Variants in SNRPC observed in about 807,000 individuals in gnomAD.
The protein encoded by SNRPC is small nuclear ribonucleoprotein polypeptide C, also known as U1 small nuclear ribonucleoprotein C.
SNRPC carries 5 observed loss-of-function variants against 20.0 expected under a neutral mutation model. The ratio of observed to expected loss-of-function variants is 0.25; its 90% CI spans 0.13 to 0.53. The LOEUF (loss-of-function observed/expected upper bound fraction) is 0.53. Ranked by LOEUF, SNRPC falls within the 20% of genes least tolerant of loss-of-function variation. SNRPC has a pLI of 0.96. For synonymous variants in SNRPC, 61 were observed against 58.7 expected (o/e 1.04, Z -0.18); for missense variants, 112 against 224.1 (o/e 0.50, Z 3.19).
intron 3 of SNRPC, among the ~76,000 whole-genome samples, chr6:34,764,670 T>A (rs938370292): frequency 2.7e-5 from 4 of 150,482 alleles, no homozygotes; most frequent in Admixed American, 6.6e-5. Context: ...CTCAAAAAAA[T>A]AATAATAATT....
At chr6:34,758,474 C>T (rs1581588009) in intron 2 of SNRPC, among the ~76,000 whole-genome samples, 1 of 152,074 alleles carries the variant, frequency 6.6e-6, no homozygotes, top group Non-Finnish European at 1.5e-5. Flanking sequence ...GGCCACCACG[C>T]CCGGCTAATT....
At chr6:34,757,782 T>G in intron 1 of SNRPC, 130 bp from the exon 2 acceptor site, 1 of 1,591,792 alleles carries the variant, frequency 6.3e-7, no homozygotes, top group Non-Finnish European at 8.5e-7. Flanking sequence ...CTTTGATGCT[T>G]TTGAGTCGTG....
rs544640771 is a variant in SNRPC, at chr6:34,769,991, C to T, written c.251-300C>T. Among the ~76,000 whole-genome samples the T allele has an allele frequency of 6.6e-5, 10 of 152,198 alleles. 1 individual carries two copies. The highest frequency in any genetic ancestry group is 3.9e-4 in the East Asian group (2 of 5,176). On this transcript the variant is annotated intron_variant, in intron 4 of 5. Coordinates refer to ENST00000244520, the MANE Select transcript of SNRPC (RefSeq NM_003093.3). Reference sequence around the variant, plus strand: ...TAATCCTAGCACTTTGGGAGGTCGACGTGGGCAGATCACCTGAGGTTGGGA... The same window carrying T: ...TAATCCTAGCACTTTGGGAGGTCGATGTGGGCAGATCACCTGAGGTTGGGA...
chr6:34,757,537 G>A lies in SNRPC; in HGVS notation c.-7G>A, dbSNP rs2127405004. The A allele has an allele frequency of 1.2e-6, 2 of 1,613,768 alleles. No homozygotes were observed. Among genetic ancestry groups the A allele is most frequent in the South Asian group, 1.1e-5 (1 of 91,062 alleles). On this transcript the variant is annotated 5_prime_UTR_variant, in exon 1 of 6. Transcript: ENST00000244520. ...GTAACGGAGTGGCCAACGGCCTGCA[G>A]AGCAACATGCCCAAGTGAGTGGGGC...
intron 4 of SNRPC, among the ~76,000 whole-genome samples, chr6:34,768,765 AAAAAAG>A (rs1428030811): frequency 2.6e-4 from 39 of 151,968 alleles, no homozygotes; most frequent in Non-Finnish European, 4.7e-4. Flanking sequence ...AAAAAAAAAA[AAAAAAG>A]AAAAGAAAAG....
At chr6:34,766,197 T>A (rs1460296881) in intron 3 of SNRPC, among the ~76,000 whole-genome samples, 1 of 152,178 alleles carries the variant, frequency 6.6e-6, no homozygotes, top group African/African-American at 2.4e-5. Flanking sequence ...AAACTTTTTT[T>A]ATTTAAATTT....
intron 5 of SNRPC, among the ~76,000 whole-genome samples, chr6:34,771,202 G>C (rs867849522): frequency 6.6e-6 from 1 of 151,916 alleles, no homozygotes; most frequent in Non-Finnish European, 1.5e-5. Flanking sequence ...GGTGGCACGC[G>C]CCTGTTGTCT....
At chr6:34,768,086 C>A in intron 4 of SNRPC, 89 bp downstream of exon 4, 1 of 1,117,484 alleles carries the variant, frequency 8.9e-7, no homozygotes, top group Non-Finnish European at 1.3e-6. Context: ...CTTTCAAATG[C>A]TGTTGCATTT....
At chr6:34,763,583 A>G (rs1387802478) in intron 3 of SNRPC, among the ~76,000 whole-genome samples, 2 of 151,406 alleles carry the variant, frequency 1.3e-5, no homozygotes, top group African/African-American at 4.9e-5. Flanking sequence ...CAGGAGGCTA[A>G]GGCAGGAGAA....
At chr6:34,770,649 G>C (rs1348973371) in intron 5 of SNRPC, among the ~76,000 whole-genome samples, 2 of 152,196 alleles carry the variant, frequency 1.3e-5, no homozygotes, top group Non-Finnish European at 2.9e-5. Context: ...TAATTGGATG[G>C]TGTCCAGTGA....
chr6:34,768,097 G>C (rs992645831), intron 4 of SNRPC, 100 bp downstream of exon 4: 2 of 914,452 alleles, frequency 2.2e-6, no homozygotes, highest in Non-Finnish European at 1.6e-6. Context: ...TGTTGCATTT[G>C]TATGTAGATA....
chr6:34,769,210 C>T (rs575041139), intron 4 of SNRPC, among the ~76,000 whole-genome samples: 1 of 150,976 alleles, frequency 6.6e-6, no homozygotes, highest in South Asian at 2.1e-4. Context: ...CATAATTTAC[C>T]TCACTATTTT....
chr6:34,771,349 A>AG (rs143222105), intron 5 of SNRPC, among the ~76,000 whole-genome samples: 22,900 of 140,556 alleles, frequency 0.16, 2,464 homozygotes, highest in African/African-American at 0.25. Context: ...AAAAAAAAAA[A>AG]GTGTGTCTAA....
chr6:34,762,658 C>A lies in SNRPC; in HGVS notation c.115C>A (p.Gln39Lys). ...KHKENVKDYYQKWMEEQAQSL... is the reference protein window; with the variant it reads ...KHKENVKDYYKKWMEEQAQSL... Reference sequence around the variant, plus strand: ...CAAAGAGAATGTGAAAGACTATTATCAGAAATGGATGGAAGAGCAGGCTCA... The same window carrying A: ...CAAAGAGAATGTGAAAGACTATTATAAGAAATGGATGGAAGAGCAGGCTCA... Residue 39 changes from glutamine to lysine, a missense_variant, in exon 3 of 6, where the codon CAG (glutamine) becomes AAG (lysine). This residue lies in a region of SNRPC where 10 missense variants were observed against 54.5 expected (regional missense o/e 0.18). Coordinates refer to ENST00000244520, the MANE Select transcript of SNRPC (RefSeq NM_003093.3). The A allele has an allele frequency of 6.2e-7, 1 of 1,603,460 alleles. No individual in the cohort carries two copies. Among genetic ancestry groups the A allele is most frequent in the South Asian group, 1.1e-5 (1 of 90,840 alleles).
At chr6:34,758,792 C>T (rs1363534831) in intron 2 of SNRPC, among the ~76,000 whole-genome samples, 9 of 151,576 alleles carry the variant, frequency 5.9e-5, no homozygotes, top group Non-Finnish European at 8.8e-5. Flanking sequence ...CTTGGGAGGC[C>T]GAGGCGGGCG....
intron 2 of SNRPC, among the ~76,000 whole-genome samples, chr6:34,760,352 G>GA (rs1268569027): frequency 6.6e-6 from 1 of 151,970 alleles, no homozygotes; most frequent in African/African-American, 2.4e-5. Flanking sequence ...AAAGTGCTGG[G>GA]AGTGAGTCAC....
chr6:34,759,024 A>T (rs1224515125), intron 2 of SNRPC, among the ~76,000 whole-genome samples: 1 of 147,692 alleles, frequency 6.8e-6, no homozygotes, highest in African/African-American at 2.5e-5. Flanking sequence ...CGTCTCAAAA[A>T]AAAAAAAAAA....
chr6:34,768,042 A>G (rs367837681), intron 4 of SNRPC, 45 bp downstream of exon 4: 3 of 1,563,674 alleles, frequency 1.9e-6, no homozygotes, highest in African/African-American at 1.4e-5. Context: ...GGGGCAGGCT[A>G]TCCTTTGATT....
intron 2 of SNRPC, among the ~76,000 whole-genome samples, chr6:34,760,652 A>C (rs1372843345): frequency 1.3e-5 from 2 of 152,174 alleles, no homozygotes; most frequent in Admixed American, 1.3e-4. Context: ...ATATCTTTTC[A>C]TGAGAAATGT....
Sources: allele counts gnomAD v4.1 joint callset (sites outside exome capture counted in the v4.1 genomes callset), GRCh38; gene constraint gnomAD v4.1.1; regional missense constraint gnomAD v4.1.1; transcripts MANE v1.5; gene names NCBI Gene and HGNC (gene_info 2026-07-23, HGNC 2026-07-21).